SPC25: variants seen among roughly 807,000 people sequenced by gnomAD.
SPC25 encodes the protein kinetochore protein Spc25.
A neutral mutation model predicts 29.6 loss-of-function variants in SPC25; 22 were observed. The ratio of observed to expected loss-of-function variants is 0.74; its 90% CI spans 0.53 to 1.06. The LOEUF is 1.06. Among genes scored for constraint, SPC25 ranks in the 50% least tolerant of loss-of-function variants. SPC25 has a pLI of 0.00. For missense variants in SPC25, 230 were observed against 255.8 expected, an observed-to-expected ratio of 0.90 and a Z score of 0.69; for synonymous variants, 91 against 90.4, an observed-to-expected ratio of 1.01 and a Z score of -0.04.
In SPC25 at chr2:168,865,724, C is replaced by T. The variant is rs1033837983; in HGVS notation, n.419+7861G>A. 1.4e-4 allele frequency among the ~76,000 whole-genome samples: 21 copies of T among 152,148 alleles called. 1 individual carries two copies. The highest frequency in any genetic ancestry group is 3.6e-4 in the African/African-American group (15 of 41,436). ...ATGATTGTATATCTAGAAAACCCCACTGTCTCAGCCCAAAATCTCCTTAAG... is the reference window on the plus strand; with the variant it reads ...ATGATTGTATATCTAGAAAACCCCATTGTCTCAGCCCAAAATCTCCTTAAG... On this transcript the variant is annotated intron_variant and non_coding_transcript_variant, in intron 4 of 4. Transcript: ENST00000479309.
chr2:168,876,035 G>A (rs1690079060), intron 5 of SPC25, 37 bp downstream of exon 5: 7 of 1,172,840 alleles, frequency 6.0e-6, no homozygotes, highest in Non-Finnish European at 8.0e-6. Flanking sequence ...ACATACTTTT[G>A]TAATCTCCTA....
downstream of SPC25, among the ~76,000 whole-genome samples, chr2:168,865,998 C>G (rs553479862): frequency 2.4e-3 from 372 of 152,404 alleles, 2 homozygotes; most frequent in Middle Eastern, 0.017. Context: ...GAAGAACATT[C>G]CATGCTCATG....
Position 168,862,759 on chromosome 2 carries a change from C to A in SPC25, n.419+10826G>T, listed in dbSNP as rs543630663. On this transcript the variant is annotated intron_variant and non_coding_transcript_variant, in intron 4 of 4. Coordinates refer to the SPC25 transcript ENST00000479309. ...GAAGAAAGTCTCCAGCCTCAACCTT[C>A]TTTATGTGTCCAGTTAGAAACCATG... 6.6e-5 allele frequency among the ~76,000 whole-genome samples: 10 copies of A among 152,214 alleles called. No individual in the cohort carries two copies. In the East Asian group the frequency reaches 7.7e-4, roughly 12 times the overall value.
chr2:168,870,157 T>G (rs1559151908), downstream of SPC25, among the ~76,000 whole-genome samples: 1 of 151,220 alleles, frequency 6.6e-6, no homozygotes, highest in South Asian at 2.1e-4. Flanking sequence ...TAGCCATATG[T>G]AGAAAGCTGA....
chr2:168,865,238 C>A (rs1689795238), intron 4 of SPC25: 1 of 346,226 alleles, frequency 2.9e-6, no homozygotes, highest in Admixed American at 4.4e-5. Flanking sequence ...CAGTATAACC[C>A]CTGGTGTCAC....
intron 4 of SPC25, among the ~76,000 whole-genome samples, chr2:168,864,677 A>G (rs1689742581): frequency 6.6e-6 from 1 of 152,200 alleles, no homozygotes. Flanking sequence ...TGCTTTATAC[A>G]CAGGTGTTCG....
chr2:168,864,115 G>A (rs972786005), intron 4 of SPC25, among the ~76,000 whole-genome samples: 6 of 151,940 alleles, frequency 3.9e-5, no homozygotes, highest in Non-Finnish European at 8.8e-5. Context: ...CTACAGGCGT[G>A]TGCCACCATG....
chr2:168,869,980 A>C (rs1689948419), downstream of SPC25, among the ~76,000 whole-genome samples: 1 of 152,172 alleles, frequency 6.6e-6, no homozygotes, highest in African/African-American at 2.4e-5. Context: ...CAGTAACCAA[A>C]ACAGCATGGT....
chr2:168,868,128 C>T (rs1689903061), downstream of SPC25, among the ~76,000 whole-genome samples: 1 of 152,184 alleles, frequency 6.6e-6, no homozygotes, highest in Admixed American at 6.5e-5. Flanking sequence ...GAAATGAAGG[C>T]AGAAATAAAG....
downstream of SPC25, among the ~76,000 whole-genome samples, chr2:168,868,035 G>A (rs200769413): frequency 2.6e-5 from 3 of 115,232 alleles, no homozygotes; most frequent in South Asian, 6.0e-4. Context: ...AAACTAGAAC[G>A]CAGGATTAAG....
intron 4 of SPC25, among the ~76,000 whole-genome samples, chr2:168,862,912 C>T (rs983037830): frequency 6.6e-6 from 1 of 152,166 alleles, no homozygotes; most frequent in Admixed American, 6.5e-5. Flanking sequence ...AATCAAGATA[C>T]ATTTTGTAGC....
chr2:168,865,063 T>G, intron 4 of SPC25: 1 of 1,401,092 alleles, frequency 7.1e-7, no homozygotes, highest in South Asian at 1.3e-5. Context: ...TTACATGTTT[T>G]TCTTTTGAAA....
chr2:168,864,895 G>T (rs373131496), intron 4 of SPC25: 6 of 1,613,862 alleles, frequency 3.7e-6, no homozygotes, highest in Non-Finnish European at 5.1e-6. Context: ...CTTTGAATGG[G>T]AAAAAAGGCC....
chr2:168,869,211 A>C (rs1036882345), downstream of SPC25, among the ~76,000 whole-genome samples: 3 of 152,200 alleles, frequency 2.0e-5, no homozygotes, highest in South Asian at 6.2e-4. Flanking sequence ...GTATCTCAAA[A>C]TAATAAGAGC....
chr2:168,887,630 C>T (rs1203003814), intron 3 of SPC25, among the ~76,000 whole-genome samples: 1 of 152,016 alleles, frequency 6.6e-6, no homozygotes, highest in East Asian at 1.9e-4. Flanking sequence ...AAACATGGTG[C>T]CTTTAAACCA....
intron 4 of SPC25, chr2:168,862,032 A>C: frequency 6.2e-7 from 1 of 1,614,116 alleles, no homozygotes. Flanking sequence ...CAAGATGATG[A>C]GTTGAATTTG....
chr2:168,881,939 C>T lies in SPC25; in HGVS notation c.200-4555G>A, dbSNP rs561638161. On this transcript the variant is annotated intron_variant, in intron 3 of 6. Coordinates refer to ENST00000282074, the MANE Select transcript of SPC25 (RefSeq NM_020675.4). ...CTTGAACAACATCTCTCAAGACAAG[C>T]ATTCCTCAGGCAACAGGAAAATCTC... Among the ~76,000 whole-genome samples, 16 of 152,342 alleles carry T rather than the reference C, an allele frequency of 1.1e-4. No individual in the cohort carries two copies. The South Asian group carries it at 3.3e-3, about 32-fold the overall frequency.
At chr2:168,863,309 A>G in intron 4 of SPC25, 1 of 681,460 alleles carries the variant, frequency 1.5e-6, no homozygotes, top group South Asian at 6.7e-5. Flanking sequence ...GTCCTTTAAG[A>G]ATAGTGATTT....
chr2:168,863,737 AAAGAC>A, intron 4 of SPC25: 1 of 838,034 alleles, frequency 1.2e-6, no homozygotes, highest in Non-Finnish European at 1.4e-6. Flanking sequence ...GATCTTAAGA[AAAGAC>A]TGTTGGTGAG....
Sources: gnomAD v4.1 joint callset for allele counts (sites outside exome capture counted in the v4.1 genomes callset) on GRCh38, gnomAD v4.1.1 for gene constraint, MANE v1.5 for transcripts, NCBI Gene and HGNC (gene_info 2026-07-23, HGNC 2026-07-21) for gene names.